ZSCAN5A: variants seen among roughly 807,000 people sequenced by gnomAD.
ZSCAN5A encodes the protein zinc finger and SCAN domain containing 5A.
ZSCAN5A carries 12 observed loss-of-function variants against 23.7 expected under a neutral mutation model. The ratio of observed to expected loss-of-function variants is 0.51; its 90% CI spans 0.32 to 0.82. The LOEUF is 0.82. ZSCAN5A is among the 40% of genes least tolerant of loss of function. ZSCAN5A has a pLI of 0.03. For missense variants in ZSCAN5A, 597 were observed against 617.9 expected, an observed-to-expected ratio of 0.97 and a Z score of 0.36; for synonymous variants, 257 against 239.9, an observed-to-expected ratio of 1.07 and a Z score of -0.66.
At chr19:56,324,440 A>T (rs187468692) in intron 2 of ZSCAN5A, among the ~76,000 whole-genome samples, 4 of 152,218 alleles carry the variant, frequency 2.6e-5, no homozygotes, top group Non-Finnish European at 5.9e-5. Context: ...ATGAGAAATT[A>T]TCTCACTCCA....
intron 2 of ZSCAN5A, among the ~76,000 whole-genome samples, chr19:56,241,821 C>T (rs1215845066): frequency 6.6e-6 from 1 of 152,118 alleles, no homozygotes; most frequent in East Asian, 1.9e-4. Flanking sequence ...TCATCTACTT[C>T]TTTTTTAATT....
rs182012085 is a variant in ZSCAN5A, at chr19:56,320,741, C to T, written c.-357-4473G>A. ...AATATATGGAAATTCTGACACAAGA[C>T]GTACTCCAACAATAGGCCACCTTTT... On this transcript the variant is annotated intron_variant, in intron 2 of 6. Transcript: ENST00000587340. The T allele has an allele frequency of 5.1e-4, 621 of 1,225,762 alleles. 1 individual carries two copies. The highest frequency in any genetic ancestry group is 2.3e-3 in the Admixed American group (136 of 59,308). 75.9% of individuals were successfully genotyped at this position (1,225,762 alleles called of 1,614,324 possible).
At chr19:56,320,506 G>A (rs2041363763) in intron 2 of ZSCAN5A, 1 of 402,504 alleles carries the variant, frequency 2.5e-6, no homozygotes, top group African/African-American at 2.1e-5. Context: ...CAGGTACTCG[G>A]GAGGATGAGG....
chr19:56,294,227 A>G (rs113583855), intron 2 of ZSCAN5A, among the ~76,000 whole-genome samples: 1 of 152,198 alleles, frequency 6.6e-6, no homozygotes, highest in African/African-American at 2.4e-5. Flanking sequence ...CTAAGGGCCC[A>G]CCAGGTGCCA....
intron 2 of ZSCAN5A, chr19:56,310,584 G>A (rs948560554): frequency 6.6e-6 from 1 of 152,204 alleles, no homozygotes; most frequent in Admixed American, 6.5e-5. Flanking sequence ...CAGAGAGACC[G>A]ATGGCTCGTC....
At position 56,338,922 on chromosome 19, in the gene ZSCAN5A, A is replaced by G. The variant is rs1274612218; in HGVS notation, c.-357-22654T>C. 2.0e-5 allele frequency among the ~76,000 whole-genome samples: 3 copies of G among 152,354 alleles called. No individual in the cohort carries two copies. In the East Asian group the frequency reaches 5.8e-4, roughly 29 times the overall value. ...AAAAGGTGGCCTGTTCCCAGGGTTCAAAGCATATATGGAAGGAGAAAGCTT... is the reference window on the plus strand; with the variant it reads ...AAAAGGTGGCCTGTTCCCAGGGTTCGAAGCATATATGGAAGGAGAAAGCTT... On this transcript the variant is annotated intron_variant, in intron 2 of 6. Coordinates refer to the ZSCAN5A transcript ENST00000587340.
chr19:56,301,404 G>A (rs1017459815), intron 2 of ZSCAN5A, among the ~76,000 whole-genome samples: 23 of 152,054 alleles, frequency 1.5e-4, no homozygotes, highest in Admixed American at 6.6e-4. Flanking sequence ...ACTGGTGGGC[G>A]TGTCTCTTAG....
chr19:56,275,916 G>C lies in ZSCAN5A; in HGVS notation c.-128+37367C>G, dbSNP rs550440843. Among the ~76,000 whole-genome samples, 5 of 152,336 alleles carry C rather than the reference G, an allele frequency of 3.3e-5. No homozygotes were observed. The South Asian group carries it at 1.0e-3, about 32-fold the overall frequency. ...GAATGGACTTATCGATGGATGGATG[G>C]GCTGATAGATGGGCCCGAGTAGCTT... On this transcript the variant is annotated intron_variant, in intron 2 of 5. Transcript: ENST00000683990.
At chr19:56,303,349 AT>A (rs535291184) in intron 2 of ZSCAN5A, among the ~76,000 whole-genome samples, 17 of 152,082 alleles carry the variant, frequency 1.1e-4, no homozygotes, top group African/African-American at 4.1e-4. Flanking sequence ...ATGGTGGCGC[AT>A]GCCTGTAATC....
At chr19:56,305,309 G>A (rs2040613160) in intron 2 of ZSCAN5A, among the ~76,000 whole-genome samples, 1 of 152,130 alleles carries the variant, frequency 6.6e-6, no homozygotes, top group South Asian at 2.1e-4. Flanking sequence ...CACCTACTCT[G>A]GTCATTTCAT....
chr19:56,223,281 A>C (rs187488898), intron 4 of ZSCAN5A, among the ~76,000 whole-genome samples: 4 of 152,300 alleles, frequency 2.6e-5, no homozygotes, highest in African/African-American at 9.6e-5. Context: ...AGAAATTGAC[A>C]ATCTGTAGAA....
At chr19:56,285,876 G>A (rs1346925697) in intron 2 of ZSCAN5A, among the ~76,000 whole-genome samples, 1 of 152,150 alleles carries the variant, frequency 6.6e-6, no homozygotes, top group Non-Finnish European at 1.5e-5. Context: ...ATTCCTATCT[G>A]TTAAGTTCCT....
At chr19:56,246,423 C>T (rs781077443) in intron 2 of ZSCAN5A, 5 of 566,918 alleles carry the variant, frequency 8.8e-6, no homozygotes, top group Non-Finnish European at 1.3e-5. Flanking sequence ...GGGAAGAAAA[C>T]ACGGGACTTA....
chr19:56,293,401 A>C (rs901374391), intron 2 of ZSCAN5A, among the ~76,000 whole-genome samples: 1 of 152,170 alleles, frequency 6.6e-6, no homozygotes, highest in Admixed American at 6.5e-5. Context: ...AAAGCGGCTC[A>C]GACTAACGAG....
In ZSCAN5A at chr19:56,237,997, G is replaced by GGACACA. The variant is rs1568627646; in HGVS notation, c.-127-12825_-127-12824insTGTGTC. Among the ~76,000 whole-genome samples the GGACACA allele has an allele frequency of 2.0e-3, 20 of 10,188 alleles. 3 individuals carry two copies. The highest frequency in any genetic ancestry group is 3.0e-3 in the Non-Finnish European group (16 of 5,308). The allele number at this position is 10,188 out of a possible 152,430, so 6.7% of individuals were successfully genotyped here. A position where few individuals can be genotyped will look rare whatever the true frequency, so the allele number is the denominator to read the frequency against. On this transcript the variant is annotated intron_variant, in intron 2 of 5. Transcript: ENST00000683990. ...CGGACACACACACATACACACATAC[G>GGACACA]CACACATACACACACACGTCAAAGA...
At position 56,299,464 on chromosome 19, in the gene ZSCAN5A, G is replaced by T. The variant is rs1433184058; in HGVS notation, c.-128+13819C>A. 4.6e-5 allele frequency among the ~76,000 whole-genome samples: 7 copies of T among 151,500 alleles called. No individual in the cohort carries two copies. The South Asian group carries it at 1.2e-3, about 27-fold the overall frequency. ...ATGATTAAAAAAAAAAAAAATCTCA[G>T]CTAGCTAGGAGTAGAGAGAACAGCT... On this transcript the variant is annotated intron_variant, in intron 2 of 5. Transcript: ENST00000683990.
Position 56,221,688 on chromosome 19 carries a change from G to C in ZSCAN5A, c.1378C>G (p.Arg460Gly). ...TAGGGTTTCTCTCCGGAGTGGATGC[G>C]CTGGTGCTCCTTCAGGCTCCCCCTG... is the stretch of plus-strand genomic sequence containing the variant. ...TYRGSLKEHQ[R>G]IHSGEKPYKC... Residue 460 changes from arginine to glycine, a missense_variant, in exon 6 of 6, where the codon CGC becomes GGC. By Grantham distance (125) the Arg-to-Gly change is moderately radical. Coordinates refer to ENST00000683990, the MANE Select transcript of ZSCAN5A (RefSeq NM_001322064.3). 1 of 1,614,218 alleles carries C rather than the reference G, an allele frequency of 6.2e-7. No individual in the cohort carries two copies. Among genetic ancestry groups the C allele is most frequent in the Non-Finnish European group, 8.5e-7 (1 of 1,180,040 alleles).
At chr19:56,225,234 C>T (rs1015649166) in intron 2 of ZSCAN5A, 61 bp from the exon 3 acceptor site, 29 of 1,381,602 alleles carry the variant, frequency 2.1e-5, no homozygotes, top group African/African-American at 5.8e-5. Flanking sequence ...TCCCTCCCTT[C>T]GAAATCCCTC....
intron 2 of ZSCAN5A, chr19:56,312,226 C>A (rs1224522780): frequency 6.6e-6 from 1 of 152,190 alleles, no homozygotes; most frequent in Non-Finnish European, 1.5e-5. Context: ...TATTTTCTAA[C>A]ATTTATAGTT....
Sources: allele counts gnomAD v4.1 joint callset (sites outside exome capture counted in the v4.1 genomes callset), GRCh38; gene constraint gnomAD v4.1.1; transcripts MANE v1.5; gene names NCBI Gene and HGNC (gene_info 2026-07-23, HGNC 2026-07-21).